Variants in TFAP2D observed in about 807,000 individuals in gnomAD.
The protein encoded by TFAP2D is transcription factor AP-2 delta.
A neutral mutation model predicts 43.6 loss-of-function variants in TFAP2D; 9 were observed. The ratio of observed to expected loss-of-function variants is 0.21; its 90% CI spans 0.12 to 0.36. The LOEUF is 0.36. Among genes scored for constraint, TFAP2D ranks in the 10% least tolerant of loss-of-function variants. The pLI is 1.00. For missense variants in TFAP2D, 513 were observed against 561.4 expected (o/e 0.91, Z 0.87); for synonymous variants, 256 against 224.9 (o/e 1.14, Z -1.24).
chr6:50,717,415 C>A (rs1017527433), intron 2 of TFAP2D, among the ~76,000 whole-genome samples: 1 of 152,180 alleles, frequency 6.6e-6, no homozygotes, highest in Non-Finnish European at 1.5e-5. Context: ...ACATTGTAAC[C>A]GTGCGCCAGA....
chr6:50,743,362 T>A (rs1306159612), intron 5 of TFAP2D, among the ~76,000 whole-genome samples: 1 of 143,946 alleles, frequency 6.9e-6, no homozygotes, highest in Non-Finnish European at 1.5e-5. Flanking sequence ...TATATTTTGT[T>A]TTGTTTTGTT....
chr6:50,749,757 G>A (rs1307074159), intron 6 of TFAP2D, among the ~76,000 whole-genome samples: 1 of 151,974 alleles, frequency 6.6e-6, no homozygotes, highest in East Asian at 1.9e-4. Flanking sequence ...GAAAATGTGA[G>A]GAGTTCAGAA....
At chr6:50,751,507 C>T (rs999738242) in intron 7 of TFAP2D, among the ~76,000 whole-genome samples, 183 bp downstream of exon 7, 4 of 151,894 alleles carry the variant, frequency 2.6e-5, no homozygotes, top group Non-Finnish European at 5.9e-5. Flanking sequence ...ATATTTTTTA[C>T]AGTTTGGAGG....
At chr6:50,757,514 TAGAATAC>T (rs1465116022) in intron 7 of TFAP2D, among the ~76,000 whole-genome samples, 36 of 75,286 alleles carry the variant, frequency 4.8e-4, no homozygotes, top group South Asian at 1.3e-3. Context: ...ATTCTATATA[TAGAATAC>T]ATATAATTAT....
chr6:50,715,112 C>G lies in TFAP2D; in HGVS notation c.40-4C>G. The G allele has an allele frequency of 6.2e-7, 1 of 1,610,758 alleles. No individual in the cohort carries two copies. Among genetic ancestry groups the G allele is most frequent in the South Asian group, 1.1e-5 (1 of 91,046 alleles). Reference sequence around the variant, plus strand: ...GCTCTCCCTTTTCCCCCTCTTCCTTCCAGATACGTCACGACGGATCAAACA... The same window carrying G: ...GCTCTCCCTTTTCCCCCTCTTCCTTGCAGATACGTCACGACGGATCAAACA... On this transcript the variant is annotated splice_region_variant and splice_polypyrimidine_tract_variant and intron_variant, in intron 1 of 7. Coordinates refer to ENST00000008391, the MANE Select transcript of TFAP2D (RefSeq NM_172238.4).
chr6:50,714,192 C>A, intron 1 of TFAP2D, 98 bp downstream of exon 1: 2 of 1,253,960 alleles, frequency 1.6e-6, no homozygotes, highest in Non-Finnish European at 2.3e-6. Flanking sequence ...CCTCCCCTGT[C>A]TCTAATCTAT....
intron 3 of TFAP2D, among the ~76,000 whole-genome samples, chr6:50,723,925 C>G (rs1199931685): frequency 6.6e-6 from 1 of 152,140 alleles, no homozygotes; most frequent in African/African-American, 2.4e-5. Flanking sequence ...TTTTGTTCTG[C>G]CTGGAATCTA....
In TFAP2D at chr6:50,720,379, GGGTGCT is replaced by G. The variant is rs767685911; in HGVS notation, c.598+1230_598+1235del. Among the ~76,000 whole-genome samples the G allele has an allele frequency of 3.8e-3, 574 of 152,138 alleles. 3 individuals carry two copies. The highest frequency in any genetic ancestry group is 6.5e-3 in the Non-Finnish European group (442 of 68,002). On this transcript the variant is annotated intron_variant, in intron 3 of 7. Coordinates refer to ENST00000008391, the MANE Select transcript of TFAP2D (RefSeq NM_172238.4). Reference sequence around the variant, plus strand: ...TAAACTGAGGAGGAAAGAAAACAAAGGGTGCTTTCCTTTTGGAACTTGGTTATTGTT... The same window carrying G: ...TAAACTGAGGAGGAAAGAAAACAAAGTTCCTTTTGGAACTTGGTTATTGTT...
Position 50,763,584 on chromosome 6 carries a change from TCTA to T in TFAP2D, c.1140-9058_1140-9056del, listed in dbSNP as rs372383652. Among the ~76,000 whole-genome samples, 18 of 152,320 alleles carry T rather than the reference TCTA, an allele frequency of 1.2e-4. No individual in the cohort carries two copies. In the East Asian group the frequency reaches 3.5e-3, roughly 29 times the overall value. On this transcript the variant is annotated intron_variant, in intron 7 of 7. Transcript: ENST00000008391. ...TCCATGCAGCATTTCAGTGATTACT[TCTA>T]CTTTTTAAATACTAACACTTCAGCT... is the stretch of plus-strand genomic sequence containing the variant.
chr6:50,729,923 TC>T (rs1260199487), intron 5 of TFAP2D, among the ~76,000 whole-genome samples: 1 of 152,194 alleles, frequency 6.6e-6, no homozygotes, highest in Non-Finnish European at 1.5e-5. Context: ...CTTACCTCTT[TC>T]CTTTTTTTCT....
intron 7 of TFAP2D, among the ~76,000 whole-genome samples, chr6:50,763,022 C>G (rs2281158): frequency 0.47 from 72,018 of 151,780 alleles, 17,577 homozygotes; most frequent in African/African-American, 0.59. Flanking sequence ...AATAGCCCTT[C>G]AGTCAGATCT....
intron 7 of TFAP2D, among the ~76,000 whole-genome samples, chr6:50,753,282 C>T (rs1034098191): frequency 1.3e-5 from 2 of 151,884 alleles, no homozygotes; most frequent in Admixed American, 6.6e-5. Flanking sequence ...GATGCTGAGG[C>T]CTTCATCAGA....
rs1185244386 is a variant in TFAP2D at position 50,772,987 on chromosome 6, A to C, written c.*123A>C. On this transcript the variant is annotated 3_prime_UTR_variant, in exon 8 of 8. Coordinates refer to ENST00000008391, the MANE Select transcript of TFAP2D (RefSeq NM_172238.4). ...TCTACCCTTCCCCAACCCTCCATAA[A>C]AAAACAAAAATGGAAATGAAAAATG... 1.1e-6 allele frequency: 1 copy of C among 933,752 alleles called. No homozygotes were observed. Among genetic ancestry groups the C allele is most frequent in the African/African-American group, 1.7e-5 (1 of 59,914 alleles). The allele number at this position is 933,752 out of a possible 1,614,324, so 57.8% of individuals were successfully genotyped here.
chr6:50,745,245 C>T lies in TFAP2D; in HGVS notation c.1022C>T (p.Thr341Ile), dbSNP rs1285816391. ...QTARKKMILA[T>I]KQICKEFQDL... ...GCAAGAAAAAAGATGATCCTGGCGA[C>T]CAAGTAAGCAGAATGGGGAAACCTC... Residue 341 changes from threonine to isoleucine, a missense_variant, in exon 6 of 8, where the codon ACC (threonine) becomes ATC (isoleucine). Physicochemically the swap from Thr to Ile is moderately conservative, Grantham distance 89. Transcript: ENST00000008391. 1 of 1,613,240 alleles carries T rather than the reference C, an allele frequency of 6.2e-7. No homozygotes were observed. The highest frequency in any genetic ancestry group is 1.7e-5 in the Admixed American group (1 of 59,876).
intron 5 of TFAP2D, among the ~76,000 whole-genome samples, chr6:50,740,779 G>A (rs1357182238): frequency 6.6e-6 from 1 of 152,140 alleles, no homozygotes; most frequent in Non-Finnish European, 1.5e-5. Flanking sequence ...CAGATTGAAA[G>A]TCAGGTATAT....
At chr6:50,766,475 C>G (rs1769442731) in intron 7 of TFAP2D, among the ~76,000 whole-genome samples, 1 of 151,904 alleles carries the variant, frequency 6.6e-6, no homozygotes, top group Admixed American at 6.6e-5. Flanking sequence ...AAAATTAATG[C>G]TTCCAATCCA....
At chr6:50,724,598 T>C (rs1768779135) in intron 3 of TFAP2D, among the ~76,000 whole-genome samples, 1 of 151,866 alleles carries the variant, frequency 6.6e-6, no homozygotes, top group Non-Finnish European at 1.5e-5. Flanking sequence ...GCGGAGGCCG[T>C]GAGTATGGCT....
At chr6:50,755,553 G>A (rs1464512659) in intron 7 of TFAP2D, among the ~76,000 whole-genome samples, 1 of 151,912 alleles carries the variant, frequency 6.6e-6, no homozygotes, top group Non-Finnish European at 1.5e-5. Context: ...GATTCTGATA[G>A]GTAGGTTTAA....
chr6:50,766,913 C>A (rs553420373), intron 7 of TFAP2D, among the ~76,000 whole-genome samples: 17 of 151,948 alleles, frequency 1.1e-4, no homozygotes, highest in Non-Finnish European at 2.1e-4. Flanking sequence ...CATGATCCAC[C>A]CGCCTCGGCC....
Sources: allele counts gnomAD v4.1 joint callset (sites outside exome capture counted in the v4.1 genomes callset), GRCh38; gene constraint gnomAD v4.1.1; transcripts MANE v1.5; gene names NCBI Gene and HGNC (gene_info 2026-07-23, HGNC 2026-07-21).